The following AADACL3 variants were observed in gnomAD, a reference collection of about 807,000 sequenced individuals.
AADACL3 encodes the protein arylacetamide deacetylase-like 3.
Under a neutral mutation model 13.6 loss-of-function variants are expected in AADACL3, and 13 were observed. That is an observed-to-expected ratio of 0.95 (90% CI 0.62 to 1.52). The LOEUF is 1.52. Among genes scored for constraint, AADACL3 ranks in the 40% most tolerant of loss-of-function variants. The pLI is 0.00. For synonymous variants in AADACL3, 195 were observed against 197.0 expected (o/e 0.99, Z 0.08); for missense variants, 519 against 499.2 (o/e 1.04, Z -0.38).
chr1:12,725,343 G>T lies in AADACL3; in HGVS notation c.571G>T (p.Gly191Cys). 6.2e-7 allele frequency: 1 copy of T among 1,614,114 alleles called. No homozygotes were observed. The highest frequency in any genetic ancestry group is 8.5e-7 in the Non-Finnish European group (1 of 1,180,030). ...GGATCCAGCCCGGGTTGTGGTCTGC[G>T]GTGACAGTTTCGGAGGGGCAATAGC... ...GVDPARVVVC[G>C]DSFGGAIAAV... Residue 191 changes from glycine to cysteine, a missense_variant, in exon 4 of 4, where the codon GGT becomes TGT. Gly to Cys is a radical substitution (Grantham distance 159). Coordinates refer to ENST00000359318, the MANE Select transcript of AADACL3 (RefSeq NM_001103170.3).
chr1:12,718,086 A>G (rs1648478034), intron 1 of AADACL3, among the ~76,000 whole-genome samples: 1 of 152,194 alleles, frequency 6.6e-6, no homozygotes. Context: ...CTAGGGTAGT[A>G]TCAGGCAGCA....
chr1:12,718,200 A>G (rs1648480449), intron 1 of AADACL3, among the ~76,000 whole-genome samples: 1 of 151,998 alleles, frequency 6.6e-6, no homozygotes, highest in Admixed American at 6.6e-5. Flanking sequence ...GCTTTTCTTT[A>G]TAATCCCATG....
At chr1:12,718,359 CAAAAAAAAAAA>C (rs781999285) in intron 1 of AADACL3, among the ~76,000 whole-genome samples, 8 of 66,554 alleles carry the variant, frequency 1.2e-4, no homozygotes, top group African/African-American at 3.7e-4. Context: ...CTCTTCTCTC[CAAAAAAAAAAA>C]AAAAAAAAAA....
rs1026703438 is a variant in AADACL3, at chr1:12,727,234, A to T, written c.*1238A>T. 1.2e-4 allele frequency: 18 copies of T among 152,224 alleles called. No individual in the cohort carries two copies. Among genetic ancestry groups the T allele is most frequent in the African/African-American group, 4.3e-4 (18 of 41,456 alleles). The allele number at this position is 152,224 out of a possible 1,614,324, so 9.4% of individuals were successfully genotyped here. A position where few individuals can be genotyped will look rare whatever the true frequency, so the allele number is the denominator to read the frequency against. ...AGGGAATGGAATAATCTAACTCACC[A>T]TTCCCAAGTCCTATGCCATCCTGAG... On this transcript the variant is annotated 3_prime_UTR_variant, in exon 4 of 4. Coordinates refer to ENST00000359318, the MANE Select transcript of AADACL3 (RefSeq NM_001103170.3).
rs990501194 is a variant in AADACL3 at position 12,720,828 on chromosome 1, A to T, written c.386-55A>T. ...GTGTCTGTAGGAAGAAGACGGTGAC[A>T]ATGGCTGGCAAAGGAAGCCTTCCTA... On this transcript the variant is annotated intron_variant, in intron 2 of 3. Coordinates refer to ENST00000359318, the MANE Select transcript of AADACL3 (RefSeq NM_001103170.3). 8.7e-6 allele frequency: 13 copies of T among 1,496,258 alleles called. No homozygotes were observed. The African/African-American group carries it at 1.4e-4, about 16-fold the overall frequency. 92.7% of individuals were successfully genotyped at this position (1,496,258 alleles called of 1,614,324 possible).
intron 2 of AADACL3, 51 bp from the exon 3 acceptor site, chr1:12,720,832 G>T (rs2100210769): frequency 1.3e-6 from 2 of 1,525,958 alleles, no homozygotes. Context: ...GGTGACAATG[G>T]CTGGCAAAGG....
chr1:12,722,687 T>C (rs1275308121), intron 3 of AADACL3, among the ~76,000 whole-genome samples: 1 of 151,964 alleles, frequency 6.6e-6, no homozygotes, highest in Non-Finnish European at 1.5e-5. Flanking sequence ...TTTGTCTTTT[T>C]TTTTTTTTTA....
intron 1 of AADACL3, 124 bp from the exon 2 acceptor site, chr1:12,719,351 C>A (rs560269535): frequency 8.0e-6 from 7 of 871,436 alleles, no homozygotes; most frequent in East Asian, 7.2e-5. Flanking sequence ...GGGCTGTAAT[C>A]CAATCTGACT....
chr1:12,716,464 C>G, intron 1 of AADACL3, 120 bp downstream of exon 1: 1 of 1,353,470 alleles, frequency 7.4e-7, no homozygotes, highest in South Asian at 1.2e-5. Context: ...GCAGTGACAG[C>G]TGATCAGACC....
At position 12,723,159 on chromosome 1, in the gene AADACL3, A is replaced by G. The variant is rs965589029; in HGVS notation, c.450-2063A>G. On this transcript the variant is annotated intron_variant, in intron 3 of 3. Transcript: ENST00000359318. ...AGTGCTGAGGTTATAAGTGTGAGCC[A>G]CTATGCCTGCCCTAACCTTCTAAAT... Among the ~76,000 whole-genome samples the G allele has an allele frequency of 5.3e-5, 8 of 152,166 alleles. No homozygotes were observed. The South Asian group carries it at 6.2e-4, about 12-fold the overall frequency.
chr1:12,727,957 T>G lies in AADACL3; in HGVS notation c.*1961T>G, dbSNP rs1328675559. On this transcript the variant is annotated 3_prime_UTR_variant, in exon 4 of 4. Coordinates refer to ENST00000359318, the MANE Select transcript of AADACL3 (RefSeq NM_001103170.3). ...GAGTTGCTGAGGCACTGCAGGGCCATGCCCAGTAGAGAGGAATGTATAACA... is the reference window on the plus strand; with the variant it reads ...GAGTTGCTGAGGCACTGCAGGGCCAGGCCCAGTAGAGAGGAATGTATAACA... 1 of 152,294 alleles carries G rather than the reference T, an allele frequency of 6.6e-6. No individual in the cohort carries two copies. Among genetic ancestry groups the G allele is most frequent in the Non-Finnish European group, 1.5e-5 (1 of 68,076 alleles). The allele number at this position is 152,294 out of a possible 1,614,324, so 9.4% of individuals were successfully genotyped here.
chr1:12,718,431 C>T (rs1158892658), intron 1 of AADACL3, among the ~76,000 whole-genome samples: 1 of 150,890 alleles, frequency 6.6e-6, no homozygotes, highest in African/African-American at 2.4e-5. Flanking sequence ...ATGGCTGTGG[C>T]ACAGACAAGG....
At chr1:12,723,830 T>G (rs1440033895) in intron 3 of AADACL3, among the ~76,000 whole-genome samples, 1 of 145,456 alleles carries the variant, frequency 6.9e-6, no homozygotes, top group African/African-American at 2.6e-5. Context: ...GTTGCCCAGG[T>G]TGGAGTGCAA....
At chr1:12,723,788 A>AT (rs34002486) in intron 3 of AADACL3, among the ~76,000 whole-genome samples, 45,036 of 137,710 alleles carry the variant, frequency 0.33, 7,007 homozygotes, top group African/African-American at 0.43. Context: ...TGACTTTATA[A>AT]TTTTTTTTTT....
At chr1:12,725,126 G>T (rs4361998) in intron 3 of AADACL3, 96 bp from the exon 4 acceptor site, 270,039 of 1,296,884 alleles carry the variant, frequency 0.21, 28,799 homozygotes, top group Middle Eastern at 0.24. Flanking sequence ...TTTCACAAAG[G>T]GAAGTGAATG....
chr1:12,716,185 C>A lies in AADACL3; in HGVS notation c.9C>A (p.Asp3Glu). ...TCTGAGCTGGAAGCAGCATGTGGGA[C>A]CTGGCCCTGATCTTCCTCGCAGCAG... MW[D>E]LALIFLAAAC... Residue 3 changes from aspartate to glutamate, a missense_variant, in exon 1 of 4, where the codon GAC (aspartate) becomes GAA (glutamate). Coordinates refer to ENST00000359318, the MANE Select transcript of AADACL3 (RefSeq NM_001103170.3). 1 of 904,106 alleles carries A rather than the reference C, an allele frequency of 1.1e-6. No homozygotes were observed. The highest frequency in any genetic ancestry group is 1.8e-6 in the Non-Finnish European group (1 of 547,766). The allele number at this position is 904,106 out of a possible 1,614,324, so 56.0% of individuals were successfully genotyped here. A position where few individuals can be genotyped will look rare whatever the true frequency, so the allele number is the denominator to read the frequency against.
rs3000860 is a variant in AADACL3 at position 12,716,215 on chromosome 1, C to A, written c.39C>A (p.Cys13Ter). The change falls in exon 1 of 4, where the codon TGC becomes TGA. Residue 13 changes from cysteine (C) to a stop codon, truncating the protein, a stop_gained. Coordinates refer to ENST00000359318, the MANE Select transcript of AADACL3 (RefSeq NM_001103170.3). LOFTEE classifies it high-confidence loss of function. ...CCCTGATCTTCCTCGCAGCAGCCTG[C>A]GTGTTCTCACTAGGGGTCACTCTGT... is the stretch of plus-strand genomic sequence containing the variant. Reference protein sequence around the residue: ...DLALIFLAAACVFSLGVTLWV... With the variant: ...DLALIFLAAA 158,096 of 1,197,100 alleles carry A rather than the reference C, an allele frequency of 0.13. 11,139 individuals carry two copies. The highest frequency in any genetic ancestry group is 0.26 in the East Asian group (11,105 of 42,900). 74.2% of individuals were successfully genotyped at this position (1,197,100 alleles called of 1,614,324 possible).
At chr1:12,720,642 A>G (rs1638228402) in intron 2 of AADACL3, among the ~76,000 whole-genome samples, 1 of 152,162 alleles carries the variant, frequency 6.6e-6, no homozygotes, top group Non-Finnish European at 1.5e-5. Context: ...TTCTACAGTC[A>G]AAGAGCTTCA....
In AADACL3 at chr1:12,725,821, G is replaced by A. The variant is rs368549784; in HGVS notation, c.1049G>A (p.Arg350Gln). The A allele has an allele frequency of 2.2e-5, 35 of 1,614,032 alleles. No individual in the cohort carries two copies. The East Asian group carries it at 3.3e-4, about 15-fold the overall frequency. ...GTGAGCTGTGAGTATGATGCTCTCC[G>A]GGACAATTCACTGTTGTACAAGAAA... is the stretch of plus-strand genomic sequence containing the variant. Reference protein sequence around the residue: ...CIVSCEYDALRDNSLLYKKRL... With the variant: ...CIVSCEYDALQDNSLLYKKRL... Residue 350 changes from arginine (R) to glutamine (Q), a missense_variant, in exon 4 of 4, where the codon CGG (arginine) becomes CAG (glutamine). Arg to Gln is a conservative substitution (Grantham distance 43). Transcript: ENST00000359318.
Sources: allele counts gnomAD v4.1 joint callset (sites outside exome capture counted in the v4.1 genomes callset), GRCh38; gene constraint gnomAD v4.1.1; transcripts MANE v1.5; gene names NCBI Gene and HGNC (gene_info 2026-07-23, HGNC 2026-07-21).